CTBP2: variants seen among roughly 807,000 people sequenced by gnomAD.
CTBP2 encodes the protein C-terminal-binding protein 2.
Under a neutral mutation model 80.3 loss-of-function variants are expected in CTBP2, and 30 were observed. The observed-to-expected ratio is 0.37, with a 90% CI of 0.28 to 0.51. The LOEUF is 0.51. CTBP2 is among the 20% of genes least tolerant of loss of function. The pLI is 0.93. For missense variants in CTBP2, 1,212 were observed against 1,375.3 expected (o/e 0.88, Z 1.88); for synonymous variants, 594 against 587.4 (o/e 1.01, Z -0.16).
chr10:125,148,584 C>T (rs1391782664), intron 1 of CTBP2, among the ~76,000 whole-genome samples: 1 of 152,184 alleles, frequency 6.6e-6, no homozygotes, highest in Non-Finnish European at 1.5e-5. Context: ...TGGGACACAA[C>T]CAGGGACCCA....
chr10:125,092,605 G>A (rs1848944094), intron 2 of CTBP2, among the ~76,000 whole-genome samples: 1 of 152,110 alleles, frequency 6.6e-6, no homozygotes, highest in Non-Finnish European at 1.5e-5. Flanking sequence ...ACACACACAC[G>A]GGCATGGCGG....
upstream of CTBP2, among the ~76,000 whole-genome samples, chr10:125,031,414 G>A (rs969704027): frequency 1.3e-5 from 2 of 149,674 alleles, no homozygotes; most frequent in African/African-American, 5.0e-5. Context: ...GCGTGAACCC[G>A]GGAGGTGCAG....
At chr10:125,126,280 C>T (rs112129063) in intron 1 of CTBP2, among the ~76,000 whole-genome samples, 2 of 152,198 alleles carry the variant, frequency 1.3e-5, no homozygotes, top group East Asian at 1.9e-4. Context: ...CTGTGATTCT[C>T]GGTAACTTAA....
intron 2 of CTBP2, among the ~76,000 whole-genome samples, chr10:125,072,827 A>G (rs1845715469): frequency 6.6e-6 from 1 of 152,076 alleles, no homozygotes. Flanking sequence ...GCAGGCTCAA[A>G]TCAAGTAAAA....
At chr10:125,117,454 C>T (rs530495537) in intron 1 of CTBP2, among the ~76,000 whole-genome samples, 1 of 152,282 alleles carries the variant, frequency 6.6e-6, no homozygotes, top group East Asian at 1.9e-4. Flanking sequence ...CTCAACGTTG[C>T]CTGGGACGGC....
chr10:125,097,467 T>C (rs994068151), intron 2 of CTBP2, among the ~76,000 whole-genome samples: 21 of 152,168 alleles, frequency 1.4e-4, no homozygotes, highest in Admixed American at 8.5e-4. Flanking sequence ...TTCTCTACCG[T>C]GGAGAAGTCA....
intron 4 of CTBP2, among the ~76,000 whole-genome samples, chr10:124,995,320 G>A (rs554601530): frequency 3.9e-5 from 6 of 152,290 alleles, no homozygotes; most frequent in African/African-American, 1.4e-4. Flanking sequence ...TGGGCCTCCC[G>A]CCAGCTATGT....
At chr10:125,137,778 G>A (rs538637355) in intron 1 of CTBP2, among the ~76,000 whole-genome samples, 2 of 152,154 alleles carry the variant, frequency 1.3e-5, no homozygotes, top group Non-Finnish European at 2.9e-5. Context: ...CCTCCACCAC[G>A]TTCTTTTTCC....
At chr10:125,078,279 C>CAA (rs1214515506) in intron 2 of CTBP2, among the ~76,000 whole-genome samples, 5,398 of 79,704 alleles carry the variant, frequency 0.068, 134 homozygotes, top group East Asian at 0.097. Flanking sequence ...GACTCCGTCT[C>CAA]AAAAAAAAAA....
At chr10:125,157,706 CTTTG>C (rs1449107813) in intron 1 of CTBP2, among the ~76,000 whole-genome samples, 2 of 152,148 alleles carry the variant, frequency 1.3e-5, no homozygotes, top group Non-Finnish European at 2.9e-5. Context: ...GGCTTATTTC[CTTTG>C]TTTGCTCATG....
At chr10:125,130,082 T>C (rs1382379673) in intron 1 of CTBP2, among the ~76,000 whole-genome samples, 2 of 151,252 alleles carry the variant, frequency 1.3e-5, no homozygotes, top group Non-Finnish European at 2.9e-5. Context: ...AGTTTCACTC[T>C]TGTTGCCCAG....
intron 2 of CTBP2, among the ~76,000 whole-genome samples, chr10:125,077,332 G>A (rs1204026610): frequency 6.6e-6 from 1 of 152,202 alleles, no homozygotes; most frequent in Non-Finnish European, 1.5e-5. Flanking sequence ...TCCAGCATGT[G>A]TGAGCTGGGG....
chr10:125,050,257 G>T (rs76130042), intron 2 of CTBP2, among the ~76,000 whole-genome samples: 1 of 152,186 alleles, frequency 6.6e-6, no homozygotes, highest in Admixed American at 6.5e-5. Context: ...GCGACAGGTC[G>T]TGGAAATGAT....
At chr10:125,068,115 C>CAAAG (rs1844923845) in intron 2 of CTBP2, among the ~76,000 whole-genome samples, 1 of 152,166 alleles carries the variant, frequency 6.6e-6, no homozygotes, top group East Asian at 1.9e-4. Context: ...AAGATGACAG[C>CAAAG]CAATTTCACC....
intron 1 of CTBP2, among the ~76,000 whole-genome samples, chr10:125,153,624 G>A (rs1169487986): frequency 1.3e-5 from 2 of 152,038 alleles, no homozygotes; most frequent in African/African-American, 4.8e-5. Flanking sequence ...ACCTGCGGCA[G>A]GTACAATACT....
chr10:125,062,758 A>G (rs1965222045), intron 2 of CTBP2, among the ~76,000 whole-genome samples: 1 of 152,190 alleles, frequency 6.6e-6, no homozygotes, highest in African/African-American at 2.4e-5. Context: ...GCTACTCAGG[A>G]GGGTTGAGGC....
At chr10:125,055,220 A>T (rs1963635267) in intron 2 of CTBP2, among the ~76,000 whole-genome samples, 2 of 152,348 alleles carry the variant, frequency 1.3e-5, no homozygotes, top group East Asian at 3.9e-4. Flanking sequence ...GAAAAAGAGC[A>T]TGTAGGTAAA....
At chr10:125,110,739 C>T (rs185615568) in intron 2 of CTBP2, among the ~76,000 whole-genome samples, 1 of 152,236 alleles carries the variant, frequency 6.6e-6, no homozygotes, top group Admixed American at 6.6e-5. Flanking sequence ...TCTATAGCAG[C>T]AGCAGCAGCA....
chr10:125,018,251 G>A (rs1026232424), intron 1 of CTBP2, among the ~76,000 whole-genome samples: 5 of 152,224 alleles, frequency 3.3e-5, no homozygotes, highest in African/African-American at 1.2e-4. Flanking sequence ...TAGGCCAGGT[G>A]CAGTGGCTCA....
Sources: gnomAD v4.1 joint callset for allele counts (sites outside exome capture counted in the v4.1 genomes callset) on GRCh38, gnomAD v4.1.1 for gene constraint, MANE v1.5 for transcripts, NCBI Gene and HGNC (gene_info 2026-07-23, HGNC 2026-07-21) for gene names.